The following SCFD2 variants were observed in gnomAD, a reference collection of about 807,000 sequenced individuals.
The protein encoded by SCFD2 is sec1 family domain-containing protein 2.
In SCFD2, 54 loss-of-function variants were observed where a neutral mutation model predicts 58.9. The ratio of observed to expected loss-of-function variants is 0.92; its 90% CI spans 0.74 to 1.15. The LOEUF is 1.15. Ranked by LOEUF, SCFD2 falls within the 50% of genes most tolerant of loss-of-function variation. The pLI is 0.00. For synonymous variants in SCFD2, 321 were observed against 335.9 expected (o/e 0.96, Z 0.49); for missense variants, 805 against 836.6 (o/e 0.96, Z 0.47).
intron 5 of SCFD2, among the ~76,000 whole-genome samples, chr4:53,022,992 C>T (rs1178942913): frequency 6.6e-6 from 1 of 152,098 alleles, no homozygotes; most frequent in Non-Finnish European, 1.5e-5. Flanking sequence ...GAAAACTATC[C>T]AAAAGGCTAA....
chr4:53,193,553 G>A (rs758471442), intron 4 of SCFD2, among the ~76,000 whole-genome samples: 90 of 152,036 alleles, frequency 5.9e-4, no homozygotes, highest in Non-Finnish European at 1.1e-3. Context: ...AAAAAACCTC[G>A]CCTAATTAAC....
intron 5 of SCFD2, among the ~76,000 whole-genome samples, chr4:53,135,117 G>T (rs1560351011): frequency 6.6e-6 from 1 of 151,834 alleles, no homozygotes; most frequent in Admixed American, 6.6e-5. Context: ...GAGATCATTG[G>T]GTACTTTCCC....
intron 8 of SCFD2, among the ~76,000 whole-genome samples, chr4:52,875,131 G>T (rs538519920): frequency 6.6e-6 from 1 of 152,166 alleles, no homozygotes; most frequent in Non-Finnish European, 1.5e-5. Context: ...GGATCCCAGC[G>T]CAGACAGGCT....
chr4:53,163,328 G>A (rs1456564578), intron 4 of SCFD2, among the ~76,000 whole-genome samples: 1 of 152,108 alleles, frequency 6.6e-6, no homozygotes, highest in African/African-American at 2.4e-5. Context: ...TCTCACTTTG[G>A]TCCTCCCACA....
intron 5 of SCFD2, among the ~76,000 whole-genome samples, chr4:52,941,754 C>G (rs1190636244): frequency 6.6e-6 from 1 of 152,212 alleles, no homozygotes; most frequent in African/African-American, 2.4e-5. Flanking sequence ...GCACAAGTTA[C>G]CCACTGCACA....
At chr4:53,325,850 T>A (rs1733176523) in intron 2 of SCFD2, among the ~76,000 whole-genome samples, 3 of 152,162 alleles carry the variant, frequency 2.0e-5, no homozygotes, top group African/African-American at 7.2e-5. Context: ...TTTGTCCAGT[T>A]TTTTTTAGGA....
intron 7 of SCFD2, among the ~76,000 whole-genome samples, chr4:52,900,694 A>G (rs1361447053): frequency 6.6e-6 from 1 of 152,212 alleles, no homozygotes; most frequent in South Asian, 2.1e-4. Context: ...TTAAGACTGC[A>G]GAGGTTATTG....
intron 7 of SCFD2, among the ~76,000 whole-genome samples, chr4:52,886,449 A>G (rs545979419): frequency 6.6e-6 from 1 of 152,160 alleles, no homozygotes; most frequent in Non-Finnish European, 1.5e-5. Context: ...TGGGACAAGA[A>G]CTCAGGAACC....
intron 4 of SCFD2, among the ~76,000 whole-genome samples, chr4:53,236,807 GTTTTATTTA>G (rs1560401987): frequency 3.1e-5 from 4 of 129,694 alleles, no homozygotes; most frequent in South Asian, 5.1e-4. Context: ...TAAAGTCACT[GTTTTATTTA>G]TTTATTTATT....
rs368678962 is a variant in SCFD2, at chr4:53,084,241, G to A, written c.1561+61092C>T. 3.9e-5 allele frequency among the ~76,000 whole-genome samples: 6 copies of A among 151,994 alleles called. 1 individual carries two copies. In the South Asian group the frequency reaches 1.2e-3, roughly 32 times the overall value. On this transcript the variant is annotated intron_variant, in intron 5 of 8. Transcript: ENST00000401642. ...TCCAGGAACGCATTCCTTTTCCAGG[G>A]CATTAATATTAATATTCCTTGCTAG... is the stretch of plus-strand genomic sequence containing the variant.
At chr4:52,992,175 C>T (rs994689012) in intron 5 of SCFD2, among the ~76,000 whole-genome samples, 12 of 152,296 alleles carry the variant, frequency 7.9e-5, no homozygotes, top group South Asian at 6.2e-4. Flanking sequence ...TGCAGGAGCG[C>T]GCCACCACGC....
chr4:53,305,247 T>C (rs1204194279), intron 3 of SCFD2, among the ~76,000 whole-genome samples: 1 of 152,208 alleles, frequency 6.6e-6, no homozygotes. Context: ...GCCTTTTCCC[T>C]ATGTTCTCTT....
At chr4:53,120,992 T>C (rs1725461998) in intron 5 of SCFD2, among the ~76,000 whole-genome samples, 1 of 152,200 alleles carries the variant, frequency 6.6e-6, no homozygotes. Context: ...GTAGATTCAC[T>C]CAATAGACGC....
chr4:53,346,848 A>G (rs1457374593), intron 2 of SCFD2, among the ~76,000 whole-genome samples: 3 of 152,228 alleles, frequency 2.0e-5, no homozygotes, highest in Non-Finnish European at 4.4e-5. Context: ...TTTCTTTCCT[A>G]GAAGTGAGAA....
intron 5 of SCFD2, among the ~76,000 whole-genome samples, chr4:53,007,046 C>T (rs1721984161): frequency 6.6e-6 from 1 of 151,776 alleles, no homozygotes; most frequent in Admixed American, 6.6e-5. Context: ...TTTGGGAGGC[C>T]GAAGTGGGAG....
intron 2 of SCFD2, among the ~76,000 whole-genome samples, chr4:53,337,000 T>C (rs1379417255): frequency 1.1e-4 from 16 of 151,594 alleles, no homozygotes; most frequent in Non-Finnish European, 1.5e-5. Context: ...GAGATACCAC[T>C]TCACACTCAA....
In SCFD2 at chr4:53,292,693, A is replaced by G. The variant is rs190314474; in HGVS notation, c.1136-18692T>C. On this transcript the variant is annotated intron_variant, in intron 3 of 8. Transcript: ENST00000401642. ...AAATACCATTTGACCCAGCAATCACATTACTGGGTATATACCCAAAGGAAT... is the reference window on the plus strand; with the variant it reads ...AAATACCATTTGACCCAGCAATCACGTTACTGGGTATATACCCAAAGGAAT... Among the ~76,000 whole-genome samples the G allele has an allele frequency of 3.5e-3, 532 of 152,316 alleles. 5 individuals are homozygous for G. Among genetic ancestry groups the G allele is most frequent in the African/African-American group, 0.012 (519 of 41,560 alleles).
chr4:53,309,574 G>A (rs776697538), intron 3 of SCFD2, among the ~76,000 whole-genome samples: 50 of 152,070 alleles, frequency 3.3e-4, no homozygotes, highest in Non-Finnish European at 1.0e-4. Context: ...CAGGAAAGAG[G>A]CAATGCAATG....
At chr4:53,061,384 G>T (rs546108650) in intron 5 of SCFD2, among the ~76,000 whole-genome samples, 2 of 152,250 alleles carry the variant, frequency 1.3e-5, no homozygotes, top group East Asian at 3.9e-4. Flanking sequence ...TCCAAGGTCA[G>T]ACTGCTGGTA....
Sources: gnomAD v4.1 joint callset for allele counts (sites outside exome capture counted in the v4.1 genomes callset) on GRCh38, gnomAD v4.1.1 for gene constraint, MANE v1.5 for transcripts, NCBI Gene and HGNC (gene_info 2026-07-23, HGNC 2026-07-21) for gene names.